The following KALRN variants were observed in gnomAD, a reference collection of about 807,000 sequenced individuals.
The protein encoded by KALRN is kalirin.
A neutral mutation model predicts 353.7 loss-of-function variants in KALRN; 70 were observed. The observed-to-expected ratio is 0.20, with a 90% CI of 0.16 to 0.24. The LOEUF (loss-of-function observed/expected upper bound fraction) is 0.24. Ranked by LOEUF, KALRN falls within the 10% of genes least tolerant of loss-of-function variation. The pLI is 1.00. For missense variants in KALRN, 2,791 were observed against 3,756.7 expected, an observed-to-expected ratio of 0.74 and a Z score of 6.72; for synonymous variants, 1,391 against 1,434.8, an observed-to-expected ratio of 0.97 and a Z score of 0.69.
At chr3:124,607,939 T>G (rs150834633) in intron 34 of KALRN, among the ~76,000 whole-genome samples, 1 of 152,274 alleles carries the variant, frequency 6.6e-6, no homozygotes, top group African/African-American at 2.4e-5. Context: ...CATTGTATCC[T>G]GCTTTTTTTC....
chr3:124,333,030 G>C (rs1392724074), intron 8 of KALRN, among the ~76,000 whole-genome samples: 2 of 152,196 alleles, frequency 1.3e-5, no homozygotes, highest in Non-Finnish European at 2.9e-5. Flanking sequence ...TCACAATCAT[G>C]GCAGAAAGAG....
intron 37 of KALRN, among the ~76,000 whole-genome samples, chr3:124,648,148 A>C (rs2082988666): frequency 6.6e-6 from 1 of 152,070 alleles, no homozygotes; most frequent in Admixed American, 6.5e-5. Context: ...CAGTATCCCA[A>C]CTCTAGCATA....
chr3:124,152,779 G>T, intron 1 of KALRN: 1 of 316,984 alleles, frequency 3.2e-6, no homozygotes, highest in Non-Finnish European at 5.7e-6. Context: ...GTTTTTGTTT[G>T]TTTGTTTGTT....
At position 124,103,972 on chromosome 3, in the gene KALRN, GAAA is replaced by G. The variant is rs369798302; in HGVS notation, c.73+70166_73+70168del. Among the ~76,000 whole-genome samples the G allele has an allele frequency of 6.2e-4, 93 of 150,836 alleles. No homozygotes were observed. The East Asian group carries it at 0.016, about 25-fold the overall frequency. On this transcript the variant is annotated intron_variant, in intron 1 of 59. Transcript: ENST00000682506. ...CTCCATCTCCAAGAAAAGAGAGAGA[GAAA>G]AAAAAAGAATCAACAGTAACATCTC...
At chr3:124,629,127 C>T (rs11710195) in intron 34 of KALRN, among the ~76,000 whole-genome samples, 53,465 of 151,984 alleles carry the variant, frequency 0.35, 10,317 homozygotes, top group East Asian at 0.65. Flanking sequence ...GGCCTATGTG[C>T]GGGTGAGGTA....
In KALRN at chr3:124,696,172, T is replaced by G; in HGVS notation, c.7616T>G (p.Met2539Arg). The G allele has an allele frequency of 6.2e-7, 1 of 1,614,008 alleles. No individual in the cohort carries two copies. The highest frequency in any genetic ancestry group is 8.5e-7 in the Non-Finnish European group (1 of 1,179,852). Residue 2539 changes from methionine (M) to arginine (R), a missense_variant, in exon 54 of 60, where the codon ATG becomes AGG. Around this residue, in one of 11 missense-constraint regions of KALRN, gnomAD observed 1,065 missense variants for 1,156.4 expected, o/e 0.92. Transcript: ENST00000682506. ...ATCACCCTGAAGATCTGTAATCTGA[T>G]GCCCCAAGACAGTGGGATTTATACC... is the stretch of plus-strand genomic sequence containing the variant. ...GEITLKICNL[M>R]PQDSGIYTCI...
chr3:124,068,447 A>C (rs764784500), intron 1 of KALRN, among the ~76,000 whole-genome samples: 3 of 152,234 alleles, frequency 2.0e-5, no homozygotes, highest in Non-Finnish European at 2.9e-5. Flanking sequence ...ACATCCATCT[A>C]CATTTCAAGT....
At position 124,678,247 on chromosome 3, in the gene KALRN, G is replaced by T. The variant is rs149588610; in HGVS notation, c.7251G>T (p.Thr2417=). Residue 2417 remains threonine, a synonymous_variant, in exon 50 of 60, where the codon ACG becomes ACT. Coordinates refer to ENST00000682506, the MANE Select transcript of KALRN (RefSeq NM_001388419.1). The part of the protein sequence containing the change: ...RMRKRAEVEN[T]GKNEATGPRK... ...GAAAGCGGGCGGAAGTGGAGAACACGGGTAAAAATGAAGCCACAGGGCCTC... is the reference window on the plus strand; with the variant it reads ...GAAAGCGGGCGGAAGTGGAGAACACTGGTAAAAATGAAGCCACAGGGCCTC... 4.3e-6 allele frequency: 7 copies of T among 1,613,920 alleles called. No homozygotes were observed. The highest frequency in any genetic ancestry group is 5.9e-6 in the Non-Finnish European group (7 of 1,179,930).
At chr3:124,311,645 C>T (rs2078280959) in intron 6 of KALRN, among the ~76,000 whole-genome samples, 1 of 152,062 alleles carries the variant, frequency 6.6e-6, no homozygotes, top group Non-Finnish European at 1.5e-5. Context: ...GGTATATACT[C>T]AAGAGAAATG....
chr3:124,518,584 GCAGCCTTTGCTCAGAGGGCAA>G, intron 33 of KALRN: 1 of 1,593,026 alleles, frequency 6.3e-7, no homozygotes, highest in East Asian at 2.3e-5. Context: ...GGTGTGGGGT[GCAGCCTTTGCTCAGAGGGCAA>G]CATGTTCCAA....
chr3:124,686,416 T>G (rs1277716342), intron 51 of KALRN, among the ~76,000 whole-genome samples: 1 of 152,174 alleles, frequency 6.6e-6, no homozygotes, highest in Admixed American at 6.6e-5. Context: ...GTAGCCTGTC[T>G]CCCAGGGAGC....
intron 23 of KALRN, among the ~76,000 whole-genome samples, chr3:124,459,863 T>G (rs2059681216): frequency 6.6e-6 from 1 of 152,156 alleles, no homozygotes; most frequent in Admixed American, 6.5e-5. Context: ...AATCAGAGCT[T>G]GTTCATATGG....
chr3:124,275,169 C>T (rs1023065693), intron 5 of KALRN, among the ~76,000 whole-genome samples: 1 of 152,180 alleles, frequency 6.6e-6, no homozygotes, highest in Non-Finnish European at 1.5e-5. Context: ...GGGGTGGCCA[C>T]GGTCATGGTG....
Position 124,717,231 on chromosome 3 carries a change from C to A in KALRN, c.8277-16C>A. The A allele has an allele frequency of 1.3e-6, 2 of 1,582,550 alleles. No homozygotes were observed. Among genetic ancestry groups the A allele is most frequent in the Non-Finnish European group, 1.7e-6 (2 of 1,165,368 alleles). On this transcript the variant is annotated splice_polypyrimidine_tract_variant and intron_variant, in intron 58 of 59. Transcript: ENST00000682506. ...TTTCAAACATATTTCCTTTGCCTTTCCCTGCCTACTTTCAGGATGGATGAT... is the reference window on the plus strand; with the variant it reads ...TTTCAAACATATTTCCTTTGCCTTTACCTGCCTACTTTCAGGATGGATGAT...
chr3:124,259,539 T>G (rs1292560752), intron 3 of KALRN, among the ~76,000 whole-genome samples: 1 of 152,202 alleles, frequency 6.6e-6, no homozygotes, highest in Non-Finnish European at 1.5e-5. Flanking sequence ...CATTTTACAT[T>G]GTGGGAACTG....
chr3:124,038,268 G>T (rs1022290583), intron 1 of KALRN, among the ~76,000 whole-genome samples: 2 of 152,154 alleles, frequency 1.3e-5, no homozygotes, highest in African/African-American at 2.4e-5. Context: ...AAGACCCTGT[G>T]CACTCCAGGA....
At chr3:124,613,507 CT>C (rs1177403709) in intron 34 of KALRN, among the ~76,000 whole-genome samples, 1 of 152,198 alleles carries the variant, frequency 6.6e-6, no homozygotes, top group East Asian at 1.9e-4. Context: ...GCAGGGGATG[CT>C]TGCTAAAGGG....
chr3:124,256,283 C>A (rs1463535102), intron 3 of KALRN, among the ~76,000 whole-genome samples: 1 of 152,194 alleles, frequency 6.6e-6, no homozygotes, highest in Non-Finnish European at 1.5e-5. Flanking sequence ...TGTCTGGGTC[C>A]AGAGAGACCT....
At chr3:124,111,393 T>C (rs1191112043) in intron 1 of KALRN, among the ~76,000 whole-genome samples, 1 of 152,186 alleles carries the variant, frequency 6.6e-6, no homozygotes, top group East Asian at 1.9e-4. Flanking sequence ...CCAAAACAAG[T>C]CACTGGAAGG....
Sources: allele counts gnomAD v4.1 joint callset (sites outside exome capture counted in the v4.1 genomes callset), GRCh38; gene constraint gnomAD v4.1.1; regional missense constraint gnomAD v4.1.1; transcripts MANE v1.5; gene names NCBI Gene and HGNC (gene_info 2026-07-23, HGNC 2026-07-21).